Variants in DPY19L4 observed in about 807,000 individuals in gnomAD.
The protein encoded by DPY19L4 is dpy-19 like 4.
In DPY19L4, 97 loss-of-function variants were observed where a neutral mutation model predicts 102.8. The ratio of observed to expected loss-of-function variants is 0.94; its 90% confidence interval spans 0.80 to 1.12. The LOEUF (loss-of-function observed/expected upper bound fraction) is 1.12. DPY19L4 is among the 50% of genes most tolerant of loss of function. The probability of loss-of-function intolerance (pLI) is 0.00; values close to 1 mark genes in which losing one functional copy is unlikely to be tolerated. For missense variants in DPY19L4, 815 were observed against 850.4 expected, an observed-to-expected ratio of 0.96 and a Z score of 0.52; for synonymous variants, 252 against 283.1, an observed-to-expected ratio of 0.89 and a Z score of 1.10.
chr8:94,763,373 C>T (rs1365788205), intron 8 of DPY19L4, among the ~76,000 whole-genome samples: 7 of 149,856 alleles, frequency 4.7e-5, no homozygotes, highest in Non-Finnish European at 1.0e-4. Context: ...CAGGGTCTCA[C>T]TCCGTCACCC....
At position 94,768,562 on chromosome 8, in the gene DPY19L4, C is replaced by T. The variant is rs779875722; in HGVS notation, c.1334+9C>T. The T allele has an allele frequency of 1.0e-5, 14 of 1,393,920 alleles. No individual in the cohort carries two copies. The East Asian group carries it at 3.1e-4, about 31-fold the overall frequency. The allele number at this position is 1,393,920 out of a possible 1,614,324, so 86.3% of individuals were successfully genotyped here. On this transcript the variant is annotated intron_variant, in intron 12 of 18. Coordinates refer to ENST00000414645, the MANE Select transcript of DPY19L4 (RefSeq NM_181787.3). ...ATTTTTAGGAGGATTAAGTAAGTAC[C>T]TATGAGAATCAATCATATTACTAAC...
At chr8:94,778,260 A>G (rs1295142554) in intron 14 of DPY19L4, among the ~76,000 whole-genome samples, 3 of 152,212 alleles carry the variant, frequency 2.0e-5, no homozygotes, top group Non-Finnish European at 4.4e-5. Flanking sequence ...TGATTATCAA[A>G]GTAATGCATT....
chr8:94,782,307 G>T (rs1813465576), intron 16 of DPY19L4, among the ~76,000 whole-genome samples: 1 of 152,132 alleles, frequency 6.6e-6, no homozygotes, highest in Non-Finnish European at 1.5e-5. Context: ...CATCTAGCAG[G>T]TTAACTTGGG....
rs1432915715 is a variant in DPY19L4, at chr8:94,790,562, C to A, written c.*652C>A. 6.6e-6 allele frequency: 1 copy of A among 152,232 alleles called. No homozygotes were observed. The highest frequency in any genetic ancestry group is 1.9e-4 in the East Asian group (1 of 5,198). 9.4% of individuals were successfully genotyped at this position (152,232 alleles called of 1,614,324 possible). On this transcript the variant is annotated 3_prime_UTR_variant, in exon 19 of 19. Coordinates refer to ENST00000414645, the MANE Select transcript of DPY19L4 (RefSeq NM_181787.3). ...TAATACATAATGCATGATGTTACTG[C>A]ATTTTCTAAATGACTAGTAAGTGAT... is the stretch of plus-strand genomic sequence containing the variant.
At chr8:94,720,167 G>A in intron 1 of DPY19L4, 153 bp downstream of exon 1, 2 of 985,424 alleles carry the variant, frequency 2.0e-6, no homozygotes, top group African/African-American at 1.7e-5. Context: ...GCCCAGGAGA[G>A]GACTGCGGAG....
intron 7 of DPY19L4, among the ~76,000 whole-genome samples, chr8:94,760,623 A>C (rs1812357230): frequency 1.3e-5 from 2 of 152,242 alleles, no homozygotes. Context: ...TGAAAGACTT[A>C]GTTTCAGAGA....
intron 3 of DPY19L4, 140 bp from the exon 4 acceptor site, chr8:94,738,228 GA>G (rs1299277922): frequency 4.7e-6 from 1 of 211,982 alleles, no homozygotes; most frequent in Non-Finnish European, 9.6e-6. Context: ...TGAGGCAGGA[GA>G]AATGGCATGA....
intron 18 of DPY19L4, among the ~76,000 whole-genome samples, chr8:94,788,525 G>A (rs1813754191): frequency 4.6e-5 from 7 of 152,134 alleles, no homozygotes; most frequent in Admixed American, 3.3e-4. Flanking sequence ...CCACAAAAAC[G>A]AATGTATTAA....
chr8:94,729,154 A>C (rs1194007928), intron 2 of DPY19L4, among the ~76,000 whole-genome samples: 2 of 152,134 alleles, frequency 1.3e-5, no homozygotes, highest in Non-Finnish European at 2.9e-5. Context: ...GTGGATCATG[A>C]GGTCAGGAGA....
rs537790075 is a variant in DPY19L4 at position 94,756,457 on chromosome 8, G to A, written c.735+298G>A. On this transcript the variant is annotated intron_variant, in intron 7 of 18. Transcript: ENST00000414645. Reference sequence around the variant, plus strand: ...TTCCACTGTTATTTTATCACTTCTCGGACTTCTGGAACATTGATGGCCTTC... The same window carrying A: ...TTCCACTGTTATTTTATCACTTCTCAGACTTCTGGAACATTGATGGCCTTC... 3.0e-4 allele frequency among the ~76,000 whole-genome samples: 45 copies of A among 151,984 alleles called. 1 individual carries two copies. The highest frequency in any genetic ancestry group is 2.5e-3 in the South Asian group (12 of 4,804).
In DPY19L4 at chr8:94,732,807, CTTTCTTTTTT is replaced by C. The variant is rs1563574227; in HGVS notation, c.128-1819_128-1810del. Among the ~76,000 whole-genome samples the C allele has an allele frequency of 1.3e-4, 11 of 87,728 alleles. No individual in the cohort carries two copies. The South Asian group carries it at 3.6e-3, about 28-fold the overall frequency. The allele number at this position is 87,728 out of a possible 152,430, so 57.6% of individuals were successfully genotyped here. On this transcript the variant is annotated intron_variant, in intron 2 of 18. Coordinates refer to ENST00000414645, the MANE Select transcript of DPY19L4 (RefSeq NM_181787.3). ...TGTACCATCTTACCCTTTTCTTTTT[CTTTCTTTTTT>C]TTTTTTTTTTTGAGACAAGATCTGG...
intron 13 of DPY19L4, among the ~76,000 whole-genome samples, chr8:94,776,177 C>T (rs1390373211): frequency 5.9e-5 from 9 of 151,542 alleles, no homozygotes; most frequent in Non-Finnish European, 1.0e-4. Context: ...GGACTACAGG[C>T]GCCCACCACC....
intron 11 of DPY19L4, 63 bp from the exon 12 acceptor site, chr8:94,768,332 A>G: frequency 7.3e-7 from 1 of 1,367,368 alleles, no homozygotes; most frequent in Non-Finnish European, 1.0e-6. Context: ...TATTAAAAAA[A>G]ATACTTCTGT....
intron 15 of DPY19L4, among the ~76,000 whole-genome samples, 193 bp from the exon 16 acceptor site, chr8:94,780,891 G>A (rs1463155493): frequency 3.3e-5 from 5 of 152,036 alleles, no homozygotes; most frequent in African/African-American, 7.2e-5. Flanking sequence ...GATTTGGATT[G>A]AGAAAAATAA....
At chr8:94,747,818 C>T (rs905692517) in intron 6 of DPY19L4, among the ~76,000 whole-genome samples, 1 of 152,112 alleles carries the variant, frequency 6.6e-6, no homozygotes, top group Non-Finnish European at 1.5e-5. Flanking sequence ...CCTCGGCCTT[C>T]CAAAGTGCTG....
Position 94,780,339 on chromosome 8 carries a change from T to C in DPY19L4, c.1576-20T>C. The C allele has an allele frequency of 1.4e-6, 2 of 1,452,138 alleles. No homozygotes were observed. Among genetic ancestry groups the C allele is most frequent in the Non-Finnish European group, 1.8e-6 (2 of 1,084,188 alleles). The allele number at this position is 1,452,138 out of a possible 1,614,324, so 90.0% of individuals were successfully genotyped here. On this transcript the variant is annotated intron_variant, in intron 14 of 18. Coordinates refer to ENST00000414645, the MANE Select transcript of DPY19L4 (RefSeq NM_181787.3). ...TCTGAAATGTATTTATTTGTAATCC[T>C]TTTTGCTTTAATATTTTAGGCTCTT...
chr8:94,789,896 T>C lies in DPY19L4; in HGVS notation c.2158T>C (p.Ser720Pro). Residue 720 changes from serine (S) to proline (P), a missense_variant, in exon 19 of 19, where the codon TCC becomes CCC. Ser to Pro is a moderately conservative substitution (Grantham distance 74). Coordinates refer to ENST00000414645, the MANE Select transcript of DPY19L4 (RefSeq NM_181787.3). ...TGTATATAAAATCAACACTGTGATA[T>C]CCTTCCAGTCTTGAAAAATAACAGA... ...YFVYKINTVI[S>P]FQS is the part of the protein sequence containing the mutation. The C allele has an allele frequency of 6.3e-7, 1 of 1,595,178 alleles. No individual in the cohort carries two copies. Among genetic ancestry groups the C allele is most frequent in the Non-Finnish European group, 8.5e-7 (1 of 1,174,874 alleles).
intron 11 of DPY19L4, among the ~76,000 whole-genome samples, chr8:94,767,066 TAAAA>T (rs772468464): frequency 1.7e-5 from 2 of 116,700 alleles, no homozygotes; most frequent in Admixed American, 9.0e-5. Flanking sequence ...AGACCCTGTC[TAAAA>T]AAAAAAAAAA....
chr8:94,760,945 A>G (rs1812369570), intron 7 of DPY19L4, among the ~76,000 whole-genome samples: 1 of 152,234 alleles, frequency 6.6e-6, no homozygotes, highest in Non-Finnish European at 1.5e-5. Flanking sequence ...AAAGTTTAAT[A>G]TGGCTGACAG....
Sources: allele counts gnomAD v4.1 joint callset (sites outside exome capture counted in the v4.1 genomes callset), GRCh38; gene constraint gnomAD v4.1.1; transcripts MANE v1.5; gene names NCBI Gene and HGNC (gene_info 2026-07-23, HGNC 2026-07-21).